The following CEP350 variants were observed in gnomAD, a reference collection of about 807,000 sequenced individuals.
CEP350 encodes centrosome-associated protein 350.
Under a neutral mutation model 331.8 loss-of-function variants are expected in CEP350, and 126 were observed. That is an observed-to-expected ratio of 0.38 (90% confidence interval 0.33 to 0.44). The LOEUF (loss-of-function observed/expected upper bound fraction) is 0.44, where lower values mean the gene tolerates loss of function less well. Ranked by LOEUF, CEP350 falls within the 20% of genes least tolerant of loss-of-function variation. CEP350 has a pLI of 1.00. For synonymous variants in CEP350, 1,200 were observed against 1,259.5 expected (o/e 0.95, Z 1.00); for missense variants, 3,406 against 3,634.6 (o/e 0.94, Z 1.62).
intron 9 of CEP350, among the ~76,000 whole-genome samples, 176 bp downstream of exon 9, chr1:180,012,251 G>C (rs1274860819): frequency 6.6e-6 from 1 of 152,118 alleles, no homozygotes; most frequent in African/African-American, 2.4e-5. Context: ...TCTGCATATA[G>C]GTGTTATGTT....
At chr1:179,987,194 A>G (rs1273884152) in intron 2 of CEP350, 46 bp from the exon 3 acceptor site, 1 of 1,030,914 alleles carries the variant, frequency 9.7e-7, no homozygotes, top group South Asian at 1.5e-5. Context: ...GGTCTAATTC[A>G]GAGATTCTGG....
intron 17 of CEP350, among the ~76,000 whole-genome samples, chr1:180,038,134 T>C (rs1656496451): frequency 1.3e-5 from 2 of 152,250 alleles, no homozygotes; most frequent in South Asian, 4.1e-4. Context: ...TCTAGAACTT[T>C]GTATAAAAGG....
chr1:180,088,457 T>C (rs927344452), intron 32 of CEP350, among the ~76,000 whole-genome samples: 1 of 148,850 alleles, frequency 6.7e-6, no homozygotes, highest in African/African-American at 2.5e-5. Flanking sequence ...TCATAGAAGC[T>C]GAACATAATA....
At chr1:180,037,184 A>G in intron 17 of CEP350, 95 bp downstream of exon 17, 2 of 1,133,956 alleles carry the variant, frequency 1.8e-6, no homozygotes, top group Non-Finnish European at 1.2e-6. Context: ...TGTCAAATAG[A>G]AAAAAATAGT....
chr1:179,991,351 C>G (rs1269318013), intron 4 of CEP350, among the ~76,000 whole-genome samples: 1 of 133,264 alleles, frequency 7.5e-6, no homozygotes, highest in East Asian at 2.3e-4. Context: ...GAGTCTCACT[C>G]TGTCGCCCAG....
rs1288798936 is a variant in CEP350 at position 180,020,632 on chromosome 1, A to G, written c.2858A>G (p.Lys953Arg). The change falls in exon 12 of 38, where the codon AAA becomes AGA. Residue 953 changes from lysine (K) to arginine (R), a missense_variant. By Grantham distance (26) the Lys-to-Arg change is conservative. This residue lies in a region of CEP350 where 1,857 missense variants were observed against 1,909.2 expected (regional missense o/e 0.97). Transcript: ENST00000367607. The stretch of plus-strand genomic sequence containing the variant: ...GAAGGGCTACTGGCACAGTTATGTA[A>G]AAGGCAGACTGACTCTTCTAGCTCT... ...KPEGLLAQLC[K>R]RQTDSSSSDM... 6.2e-7 allele frequency: 1 copy of G among 1,613,972 alleles called. No homozygotes were observed. The highest frequency in any genetic ancestry group is 8.5e-7 in the Non-Finnish European group (1 of 1,179,884).
At chr1:180,087,462 T>G in intron 31 of CEP350, 116 bp from the exon 32 acceptor site, 1 of 975,452 alleles carries the variant, frequency 1.0e-6, no homozygotes, top group Non-Finnish European at 1.4e-6. Context: ...GAGGGAGATT[T>G]TTATATTACA....
chr1:180,066,114 T>C (rs1658534825), intron 27 of CEP350, among the ~76,000 whole-genome samples: 1 of 152,198 alleles, frequency 6.6e-6, no homozygotes, highest in South Asian at 2.1e-4. Flanking sequence ...TTGTAAAGAC[T>C]CTTAAAGAAA....
chr1:180,095,056 G>C (rs1343336927), intron 34 of CEP350: 1 of 175,156 alleles, frequency 5.7e-6, no homozygotes, highest in African/African-American at 2.4e-5. Context: ...GCCTGCAGAG[G>C]TTAGCAGTTG....
rs368421320 is a variant in CEP350 at position 180,014,380 on chromosome 1, G to A, written c.1927G>A (p.Val643Ile). 6 of 1,597,020 alleles carry A rather than the reference G, an allele frequency of 3.8e-6. No homozygotes were observed. The African/African-American group carries it at 4.0e-5, about 11-fold the overall frequency. The change falls in exon 10 of 38, where the codon GTA becomes ATA. Residue 643 changes from valine to isoleucine, a missense_variant. By Grantham distance (29) the Val-to-Ile change is conservative. Around this residue, in one of 5 missense-constraint regions of CEP350, gnomAD observed 1,857 missense variants for 1,909.2 expected, o/e 0.97. Transcript: ENST00000367607. Reference protein sequence around the residue: ...YRKQKEAFTKVKNVPPSEPSA... With the variant: ...YRKQKEAFTKIKNVPPSEPSA... Reference sequence around the variant, plus strand: ...GAAGCAGAAGGAAGCCTTTACTAAAGTAAAAAATGTCCCTCCTTCTGAGCC... The same window carrying A: ...GAAGCAGAAGGAAGCCTTTACTAAAATAAAAAATGTCCCTCCTTCTGAGCC...
At chr1:180,034,787 C>G (rs771421297) in intron 16 of CEP350, among the ~76,000 whole-genome samples, 2 of 152,088 alleles carry the variant, frequency 1.3e-5, no homozygotes, top group Non-Finnish European at 2.9e-5. Flanking sequence ...CTTCAACCCT[C>G]CCTCTGGCCT....
intron 8 of CEP350, among the ~76,000 whole-genome samples, chr1:180,007,493 T>A (rs1654338207): frequency 6.6e-6 from 1 of 152,208 alleles, no homozygotes; most frequent in African/African-American, 2.4e-5. Flanking sequence ...CCTTGTAGAT[T>A]CTGGATGTTA....
At chr1:180,034,687 T>A (rs1656238441) in intron 16 of CEP350, among the ~76,000 whole-genome samples, 1 of 152,144 alleles carries the variant, frequency 6.6e-6, no homozygotes, top group Non-Finnish European at 1.5e-5. Context: ...TTGTTTTGGG[T>A]GCCACCAACC....
rs779770420 is a variant in CEP350, at chr1:179,996,712, A to G, written c.555A>G (p.Gln185=). 9 of 1,613,646 alleles carry G rather than the reference A, an allele frequency of 5.6e-6. No homozygotes were observed. Among genetic ancestry groups the G allele is most frequent in the Non-Finnish European group, 7.6e-6 (9 of 1,179,764 alleles). Reference sequence around the variant, plus strand: ...GGAGCTGTGATTTTGAGAGCTCCCAATCATCTGTCATCAATGATACAGTTG... The same window carrying G: ...GGAGCTGTGATTTTGAGAGCTCCCAGTCATCTGTCATCAATGATACAGTTG... The part of the protein sequence containing the change: ...NIRSCDFESS[Q]SSVINDTVVR... The change falls in exon 6 of 38, where the codon CAA becomes CAG. Residue 185 remains glutamine, a synonymous_variant. Transcript: ENST00000367607.
In CEP350 at chr1:180,067,057, G is replaced by A. The variant is rs1372601231; in HGVS notation, c.5567+1785G>A. Among the ~76,000 whole-genome samples the A allele has an allele frequency of 1.3e-5, 2 of 152,126 alleles. 1 individual carries two copies. Among genetic ancestry groups the A allele is most frequent in the Admixed American group, 1.3e-4 (2 of 15,268 alleles). On this transcript the variant is annotated intron_variant, in intron 27 of 37. Transcript: ENST00000367607. Reference sequence around the variant, plus strand: ...AAAAACTTAATTCCAGTCTGACCTTGAGGTCAGTTAGTTTCTGGGATGCTT... The same window carrying A: ...AAAAACTTAATTCCAGTCTGACCTTAAGGTCAGTTAGTTTCTGGGATGCTT...
At chr1:180,104,043 T>G (rs1367787571) in intron 37 of CEP350, among the ~76,000 whole-genome samples, 1 of 138,780 alleles carries the variant, frequency 7.2e-6, no homozygotes, top group African/African-American at 2.8e-5. Flanking sequence ...ATACAAAATA[T>G]ATACAAATAT....
chr1:179,980,732 C>G (rs1407742757), intron 1 of CEP350, among the ~76,000 whole-genome samples: 1 of 152,046 alleles, frequency 6.6e-6, no homozygotes, highest in Non-Finnish European at 1.5e-5. Context: ...CTCTCTCTCC[C>G]TCTCAGTTTT....
chr1:180,093,770 T>C lies in CEP350; in HGVS notation c.7665T>C (p.Gly2555=). ...IAYFECKEKH[G]IFAPPQKISH... ...ATTTTGAGTGCAAAGAAAAGCATGGTATTTTTGCTCCTCCTCAAAAAATAT... is the reference window on the plus strand; with the variant it reads ...ATTTTGAGTGCAAAGAAAAGCATGGCATTTTTGCTCCTCCTCAAAAAATAT... Residue 2555 remains glycine, a synonymous_variant, in exon 34 of 38, where the codon GGT becomes GGC. Transcript: ENST00000367607. The C allele has an allele frequency of 6.2e-7, 1 of 1,613,922 alleles. No individual in the cohort carries two copies. The highest frequency in any genetic ancestry group is 8.5e-7 in the Non-Finnish European group (1 of 1,179,812).
chr1:180,070,384 C>A (rs913336243), intron 27 of CEP350, among the ~76,000 whole-genome samples: 26 of 151,992 alleles, frequency 1.7e-4, no homozygotes, highest in Non-Finnish European at 2.9e-5. Context: ...GCTCGGTGGG[C>A]AACAAAAGGT....
Sources: allele counts gnomAD v4.1 joint callset (sites outside exome capture counted in the v4.1 genomes callset), GRCh38; gene constraint gnomAD v4.1.1; regional missense constraint gnomAD v4.1.1; transcripts MANE v1.5; gene names NCBI Gene and HGNC (gene_info 2026-07-23, HGNC 2026-07-21).